Variants in CCDC171 observed in about 807,000 individuals in gnomAD.
CCDC171 encodes the protein coiled-coil domain-containing protein 171.
A neutral mutation model predicts 168.2 loss-of-function variants in CCDC171; 177 were observed. The observed-to-expected ratio is 1.05, with a 90% CI of 0.93 to 1.19. The LOEUF (loss-of-function observed/expected upper bound fraction) is 1.19. Among genes scored for constraint, CCDC171 ranks in the 50% most tolerant of loss-of-function variants. The pLI is 0.00. For missense variants in CCDC171, 1,991 were observed against 1,539.0 expected (o/e 1.29, Z -4.91); for synonymous variants, 687 against 540.8 (o/e 1.27, Z -3.75).
chr9:15,769,342 C>A (rs2056894008), intron 18 of CCDC171, among the ~76,000 whole-genome samples: 1 of 152,028 alleles, frequency 6.6e-6, no homozygotes, highest in Admixed American at 6.5e-5. Flanking sequence ...GTAGTATATT[C>A]CTTAAATAAG....
chr9:15,940,764 G>C (rs115259160), intron 25 of CCDC171, among the ~76,000 whole-genome samples: 1,895 of 151,936 alleles, frequency 0.012, 26 homozygotes, highest in African/African-American at 0.043. Flanking sequence ...CTAAGACCTT[G>C]CCTCTAGTCC....
chr9:15,761,688 T>C (rs769308197), intron 18 of CCDC171, among the ~76,000 whole-genome samples: 7 of 152,184 alleles, frequency 4.6e-5, no homozygotes, highest in Non-Finnish European at 7.4e-5. Flanking sequence ...ATAACTTCAC[T>C]CATATCTGGA....
intron 23 of CCDC171, among the ~76,000 whole-genome samples, chr9:15,870,087 A>G (rs542350024): frequency 1.9e-4 from 28 of 150,236 alleles, no homozygotes; most frequent in African/African-American, 6.6e-4. Context: ...ACAATAGGTA[A>G]ATGAATGGGT....
intron 18 of CCDC171, among the ~76,000 whole-genome samples, chr9:15,774,997 T>C (rs2057234896): frequency 6.6e-6 from 1 of 152,180 alleles, no homozygotes; most frequent in African/African-American, 2.4e-5. Flanking sequence ...ACACATTGGG[T>C]GCAGTGTACA....
chr9:15,601,836 T>G (rs1405815073), intron 6 of CCDC171, among the ~76,000 whole-genome samples: 1 of 152,182 alleles, frequency 6.6e-6, no homozygotes, highest in Non-Finnish European at 1.5e-5. Context: ...TTCTAAACAC[T>G]CAGCCAGAGG....
chr9:15,598,417 A>T (rs1285771066), intron 6 of CCDC171, among the ~76,000 whole-genome samples: 1 of 152,110 alleles, frequency 6.6e-6, no homozygotes, highest in Non-Finnish European at 1.5e-5. Context: ...CCCAGCAGTC[A>T]TTCAGGAGTA....
At chr9:15,827,101 G>T (rs899450504) in intron 21 of CCDC171, among the ~76,000 whole-genome samples, 1 of 152,158 alleles carries the variant, frequency 6.6e-6, no homozygotes, top group Non-Finnish European at 1.5e-5. Context: ...AAATGAATAT[G>T]CTGGTCCTTC....
intron 22 of CCDC171, among the ~76,000 whole-genome samples, chr9:15,847,643 A>T (rs564703051): frequency 2.0e-5 from 3 of 152,110 alleles, no homozygotes; most frequent in Admixed American, 2.0e-4. Context: ...AGTGTTTTCT[A>T]AATTTAGAAT....
At chr9:15,622,275 A>G (rs1293742711) in intron 6 of CCDC171, among the ~76,000 whole-genome samples, 1 of 152,224 alleles carries the variant, frequency 6.6e-6, no homozygotes, top group African/African-American at 2.4e-5. Flanking sequence ...GTACCCATGA[A>G]CCTAAAAAGT....
chr9:15,595,222 T>C (rs2042256721), intron 6 of CCDC171, among the ~76,000 whole-genome samples: 1 of 152,118 alleles, frequency 6.6e-6, no homozygotes, highest in South Asian at 2.1e-4. Flanking sequence ...TATGTATACA[T>C]GTGCCATGTT....
intron 10 of CCDC171, among the ~76,000 whole-genome samples, chr9:15,685,484 A>G (rs893388640): frequency 2.6e-5 from 4 of 152,096 alleles, no homozygotes; most frequent in Non-Finnish European, 1.5e-5. Context: ...ATTTAAAAAA[A>G]ATGAGCTGTG....
At chr9:16,011,289 A>G (rs1312243604) in intron 3 of CCDC171, among the ~76,000 whole-genome samples, 1 of 152,164 alleles carries the variant, frequency 6.6e-6, no homozygotes, top group Non-Finnish European at 1.5e-5. Context: ...TCCTGAGAGA[A>G]TCACCTATTC....
At chr9:15,575,256 G>T (rs952791570) in intron 3 of CCDC171, among the ~76,000 whole-genome samples, 1 of 144,270 alleles carries the variant, frequency 6.9e-6, no homozygotes, top group African/African-American at 2.6e-5. Flanking sequence ...GCCTGGTCTC[G>T]AACTCCTGGA....
intron 14 of CCDC171, 72 bp downstream of exon 14, chr9:15,725,048 T>G (rs1332458776): frequency 2.7e-6 from 3 of 1,100,780 alleles, no homozygotes; most frequent in Non-Finnish European, 4.1e-6. Context: ...CAAGTGACTA[T>G]TTTTACTTGT....
At chr9:15,639,190 A>G (rs1236389484) in intron 7 of CCDC171, among the ~76,000 whole-genome samples, 1 of 152,082 alleles carries the variant, frequency 6.6e-6, no homozygotes, top group Non-Finnish European at 1.5e-5. Flanking sequence ...TTTTAAAGCC[A>G]TCATGTGTTT....
chr9:15,613,789 C>T (rs988895487), intron 6 of CCDC171, among the ~76,000 whole-genome samples: 9 of 152,038 alleles, frequency 5.9e-5, no homozygotes, highest in Non-Finnish European at 1.2e-4. Flanking sequence ...TCCCAAAGTG[C>T]GGGGATTACA....
intron 6 of CCDC171, among the ~76,000 whole-genome samples, chr9:15,610,443 CTAAA>C (rs2043574518): frequency 1.5e-4 from 2 of 13,608 alleles, no homozygotes; most frequent in Admixed American, 2.5e-3. Flanking sequence ...CCCATCTCAA[CTAAA>C]AAAAAAAAAA....
intron 2 of CCDC171, among the ~76,000 whole-genome samples, chr9:15,569,972 T>A (rs995539908): frequency 6.6e-6 from 1 of 152,028 alleles, no homozygotes; most frequent in African/African-American, 2.4e-5. Context: ...ACTTTTCTTT[T>A]TCTTTTCTTT....
chr9:15,827,305 G>T (rs1382622774), intron 21 of CCDC171, among the ~76,000 whole-genome samples: 1 of 152,116 alleles, frequency 6.6e-6, no homozygotes, highest in Admixed American at 6.5e-5. Context: ...GTTATTCCAA[G>T]TATAGTCTTT....
Sources: allele counts gnomAD v4.1 joint callset (sites outside exome capture counted in the v4.1 genomes callset), GRCh38; gene constraint gnomAD v4.1.1; transcripts MANE v1.5; gene names NCBI Gene and HGNC (gene_info 2026-07-23, HGNC 2026-07-21).